SCP2: variants seen among roughly 807,000 people sequenced by gnomAD.
SCP2 encodes sterol carrier protein 2, also known as SCP-2/3-oxoacyl-CoA thiolase.
In SCP2, 48 loss-of-function variants were observed where a neutral mutation model predicts 71.4. The ratio of observed to expected loss-of-function variants is 0.67; its 90% CI spans 0.53 to 0.86. SCP2 has a LOEUF of 0.86. Ranked by LOEUF, SCP2 falls within the 40% of genes least tolerant of loss-of-function variation. The pLI, the probability that SCP2 is intolerant of heterozygous loss-of-function variation, is 0.00. For missense variants in SCP2, 560 were observed against 655.6 expected (o/e 0.85, Z 1.59); for synonymous variants, 220 against 218.1 (o/e 1.01, Z -0.08).
chr1:53,014,000 A>G (rs1052161432), intron 11 of SCP2, among the ~76,000 whole-genome samples: 2 of 136,490 alleles, frequency 1.5e-5, no homozygotes, highest in Non-Finnish European at 3.0e-5. Context: ...GGTTCACGCC[A>G]TTCTCCTGCC....
At chr1:52,975,999 C>G (rs1657930272) in intron 7 of SCP2, among the ~76,000 whole-genome samples, 1 of 152,164 alleles carries the variant, frequency 6.6e-6, no homozygotes, top group Admixed American at 6.5e-5. Flanking sequence ...GAACAACTTA[C>G]AGAACTCAGG....
At chr1:52,936,363 G>A (rs1050814919) in intron 1 of SCP2, among the ~76,000 whole-genome samples, 20 of 152,310 alleles carry the variant, frequency 1.3e-4, no homozygotes, top group African/African-American at 4.8e-4. Context: ...TTTGAGAATC[G>A]CTGGATGTAG....
intron 6 of SCP2, among the ~76,000 whole-genome samples, chr1:52,968,916 C>T (rs1333571714): frequency 3.3e-5 from 5 of 151,862 alleles, no homozygotes; most frequent in Non-Finnish European, 7.4e-5. Flanking sequence ...ACACTATGCT[C>T]ATAATAAAGT....
chr1:53,001,905 C>T (rs1364780781), intron 11 of SCP2, among the ~76,000 whole-genome samples: 1 of 152,112 alleles, frequency 6.6e-6, no homozygotes, highest in African/African-American at 2.4e-5. Flanking sequence ...CCTATTTAGG[C>T]TGGGTGCGGT....
At chr1:52,955,370 C>A (rs144167835) in intron 5 of SCP2, among the ~76,000 whole-genome samples, 1 of 152,286 alleles carries the variant, frequency 6.6e-6, no homozygotes, top group Non-Finnish European at 1.5e-5. Context: ...AGTCAAAGCT[C>A]AGGCCTTCCC....
intron 10 of SCP2, among the ~76,000 whole-genome samples, chr1:52,982,600 G>A (rs1272122566): frequency 6.6e-6 from 1 of 151,970 alleles, no homozygotes; most frequent in African/African-American, 2.4e-5. Flanking sequence ...AACTCTTCCA[G>A]TTGAGAACCA....
intron 12 of SCP2, among the ~76,000 whole-genome samples, chr1:53,019,829 G>T (rs1661593108): frequency 1.3e-5 from 2 of 152,222 alleles, no homozygotes; most frequent in Admixed American, 1.3e-4. Context: ...TATAAAACTA[G>T]TTAAATGTCA....
Position 52,976,152 on chromosome 1 carries a change from G to A in SCP2, c.588-531G>A, listed in dbSNP as rs188067750. 7.7e-4 allele frequency among the ~76,000 whole-genome samples: 117 copies of A among 152,146 alleles called. 1 individual carries two copies. The highest frequency in any genetic ancestry group is 2.4e-3 in the African/African-American group (99 of 41,472). ...ATGGAGTCAGGGCATGTCATCCTCC[G>A]GATACATCAAGACGTTCACCAATCA... On this transcript the variant is annotated intron_variant, in intron 7 of 15. Transcript: ENST00000371514.
At chr1:52,957,503 C>T (rs1259112867) in intron 5 of SCP2, among the ~76,000 whole-genome samples, 1 of 152,234 alleles carries the variant, frequency 6.6e-6, no homozygotes, top group East Asian at 1.9e-4. Flanking sequence ...CAAAAAACCA[C>T]ACATAAAAAA....
rs147929570 is a variant in SCP2 at position 52,965,322 on chromosome 1, A to G, written c.523+3693A>G. Among the ~76,000 whole-genome samples the G allele has an allele frequency of 8.3e-4, 126 of 152,288 alleles. 1 individual carries two copies. The highest frequency in any genetic ancestry group is 3.0e-3 in the African/African-American group (124 of 41,562). ...CTTTACTCTCAATTTGTTGAGCTCC[A>G]TAAAAAATCTTATTGGTATTTTTAC... On this transcript the variant is annotated intron_variant, in intron 6 of 15. Coordinates refer to ENST00000371514, the MANE Select transcript of SCP2 (RefSeq NM_002979.5).
At chr1:52,961,708 A>T in intron 6 of SCP2, 79 bp downstream of exon 6, 1 of 1,270,968 alleles carries the variant, frequency 7.9e-7, no homozygotes, top group Non-Finnish European at 1.1e-6. Flanking sequence ...TTTATTAAGG[A>T]ACTGTGGAGG....
intron 14 of SCP2, among the ~76,000 whole-genome samples, chr1:53,040,224 T>C (rs1298907834): frequency 6.6e-6 from 1 of 151,948 alleles, no homozygotes; most frequent in Non-Finnish European, 1.5e-5. Context: ...CTTCCTCTGC[T>C]CAAAAGCATC....
At chr1:52,983,317 G>T (rs1315994150) in intron 10 of SCP2, among the ~76,000 whole-genome samples, 1 of 152,080 alleles carries the variant, frequency 6.6e-6, no homozygotes, top group Non-Finnish European at 1.5e-5. Context: ...TTTATTCTCT[G>T]TTGTGTTTTC....
intron 14 of SCP2, among the ~76,000 whole-genome samples, chr1:53,046,883 G>A (rs985923626): frequency 1.3e-5 from 2 of 152,128 alleles, no homozygotes; most frequent in African/African-American, 2.4e-5. Context: ...ATAACAAATT[G>A]CCACAAATTT....
At chr1:52,955,287 G>A (rs1655693165) in intron 5 of SCP2, among the ~76,000 whole-genome samples, 1 of 152,172 alleles carries the variant, frequency 6.6e-6, no homozygotes, top group South Asian at 2.1e-4. Context: ...AGCTACTTTT[G>A]CCTTGAAGAT....
rs546973995 is a variant in SCP2 at position 52,995,927 on chromosome 1, G to C, written c.1081+7791G>C. On this transcript the variant is annotated intron_variant, in intron 11 of 15. Transcript: ENST00000371514. ...TGAGACGAGAGTTCAACAAGGCTGA[G>C]AGCAACATGAACGACCTCGTCTCTG... is the stretch of plus-strand genomic sequence containing the variant. 44 of 1,478,416 alleles carry C rather than the reference G, an allele frequency of 3.0e-5. No homozygotes were observed. In the East Asian group the frequency reaches 8.8e-4, roughly 29 times the overall value. The allele number at this position is 1,478,416 out of a possible 1,614,324, so 91.6% of individuals were successfully genotyped here.
At chr1:52,936,991 T>C (rs879123706) in intron 1 of SCP2, among the ~76,000 whole-genome samples, 1 of 151,858 alleles carries the variant, frequency 6.6e-6, no homozygotes, top group Admixed American at 6.6e-5. Flanking sequence ...GAATCATAAG[T>C]AGACAACTGG....
At chr1:52,937,584 T>C (rs1199216845) in intron 1 of SCP2, among the ~76,000 whole-genome samples, 1 of 152,182 alleles carries the variant, frequency 6.6e-6, no homozygotes, top group African/African-American at 2.4e-5. Flanking sequence ...GGGTCAGAGA[T>C]AGGAACACAT....
At chr1:52,994,592 T>C (rs1167095256) in intron 11 of SCP2, 1 of 340,232 alleles carries the variant, frequency 2.9e-6, no homozygotes, top group Non-Finnish European at 5.7e-6. Context: ...GCTGCCACAT[T>C]TGCACCTTGC....
Sources: allele counts gnomAD v4.1 joint callset (sites outside exome capture counted in the v4.1 genomes callset), GRCh38; gene constraint gnomAD v4.1.1; transcripts MANE v1.5; gene names NCBI Gene and HGNC (gene_info 2026-07-23, HGNC 2026-07-21).